SLC14A2: variants seen among roughly 807,000 people sequenced by gnomAD.
SLC14A2 encodes urea transporter 2.
SLC14A2 carries 91 observed loss-of-function variants against 104.6 expected under a neutral mutation model. The ratio of observed to expected loss-of-function variants is 0.87; its 90% CI spans 0.73 to 1.04. The LOEUF (loss-of-function observed/expected upper bound fraction) is 1.04. Among genes scored for constraint, SLC14A2 ranks in the 50% least tolerant of loss-of-function variants. The probability of loss-of-function intolerance (pLI) is 0.00; values close to 1 mark genes in which losing one functional copy is unlikely to be tolerated. For missense variants in SLC14A2, 1,189 were observed against 1,156.0 expected, an observed-to-expected ratio of 1.03 and a Z score of -0.41; for synonymous variants, 476 against 466.4, an observed-to-expected ratio of 1.02 and a Z score of -0.27.
At chr18:45,500,441 G>A (rs2043175887) in intron 2 of SLC14A2, among the ~76,000 whole-genome samples, 1 of 152,054 alleles carries the variant, frequency 6.6e-6, no homozygotes, top group African/African-American at 2.4e-5. Context: ...GCGGGGCGTG[G>A]TAGCGGGCGC....
At chr18:45,513,118 G>A (rs2043390662) in intron 2 of SLC14A2, among the ~76,000 whole-genome samples, 1 of 152,134 alleles carries the variant, frequency 6.6e-6, no homozygotes, top group Admixed American at 6.5e-5. Context: ...ATATCATGGG[G>A]TTACCTTGAA....
At chr18:45,522,260 A>C (rs539152744) in intron 2 of SLC14A2, among the ~76,000 whole-genome samples, 11 of 152,188 alleles carry the variant, frequency 7.2e-5, no homozygotes, top group African/African-American at 2.7e-4. Context: ...AAAAGGAGGC[A>C]TTTTTTTATG....
upstream of SLC14A2, among the ~76,000 whole-genome samples, chr18:45,210,326 C>G (rs2083951325): frequency 6.6e-6 from 1 of 152,194 alleles, no homozygotes; most frequent in African/African-American, 2.4e-5. Context: ...GGCATGCTGG[C>G]TCATTCCTAT....
At chr18:45,628,695 C>T (rs1164073695) in intron 4 of SLC14A2, among the ~76,000 whole-genome samples, 3 of 151,736 alleles carry the variant, frequency 2.0e-5, no homozygotes, top group Non-Finnish European at 4.4e-5. Flanking sequence ...AAGTTAATAG[C>T]GTAAAATAAA....
chr18:45,630,132 G>T (rs893072874), intron 4 of SLC14A2, among the ~76,000 whole-genome samples: 1 of 152,146 alleles, frequency 6.6e-6, no homozygotes, highest in Admixed American at 6.6e-5. Flanking sequence ...TATATTCTAA[G>T]CATGTTCAGG....
chr18:45,540,354 G>A (rs75287092), intron 2 of SLC14A2, among the ~76,000 whole-genome samples: 2,058 of 152,180 alleles, frequency 0.014, 40 homozygotes, highest in African/African-American at 0.048. Flanking sequence ...CCCAGTGCGC[G>A]GGGCTGCTGC....
At chr18:45,471,952 C>G (rs938699995) in intron 1 of SLC14A2, among the ~76,000 whole-genome samples, 1 of 151,844 alleles carries the variant, frequency 6.6e-6, no homozygotes, top group Non-Finnish European at 1.5e-5. Flanking sequence ...TAGGTATACA[C>G]GTGCCATGGT....
intron 10 of SLC14A2, among the ~76,000 whole-genome samples, chr18:45,652,543 T>C (rs963235505): frequency 4.6e-5 from 7 of 152,214 alleles, no homozygotes; most frequent in Admixed American, 1.3e-4. Context: ...GCCCTTTCCC[T>C]TGGAGGATCT....
chr18:45,391,241 C>T (rs1195771454), intron 1 of SLC14A2, among the ~76,000 whole-genome samples: 2 of 152,178 alleles, frequency 1.3e-5, no homozygotes, highest in African/African-American at 2.4e-5. Flanking sequence ...CATGTCCCTA[C>T]AAAGTACATG....
chr18:45,275,489 C>G (rs2084692754), intron 1 of SLC14A2, among the ~76,000 whole-genome samples: 1 of 152,120 alleles, frequency 6.6e-6, no homozygotes. Flanking sequence ...TGAGATGGTG[C>G]AAAGACAGCA....
At chr18:45,522,802 T>C (rs1018596932) in intron 2 of SLC14A2, among the ~76,000 whole-genome samples, 3 of 152,200 alleles carry the variant, frequency 2.0e-5, no homozygotes, top group Non-Finnish European at 4.4e-5. Flanking sequence ...CCCCAATTCT[T>C]ATTAACATGT....
intron 1 of SLC14A2, among the ~76,000 whole-genome samples, chr18:45,246,737 A>G (rs1190167239): frequency 6.6e-6 from 1 of 151,984 alleles, no homozygotes; most frequent in Non-Finnish European, 1.5e-5. Context: ...CACACTGGGC[A>G]CGGTGGCTCA....
At chr18:45,441,724 T>C (rs796809847) in intron 1 of SLC14A2, among the ~76,000 whole-genome samples, 8 of 152,322 alleles carry the variant, frequency 5.3e-5, no homozygotes, top group African/African-American at 1.9e-4. Context: ...GCATTTTAGG[T>C]TTAATCTTGG....
chr18:45,504,220 A>G (rs2612581), intron 2 of SLC14A2, among the ~76,000 whole-genome samples: 122,084 of 152,182 alleles, frequency 0.8, 49,976 homozygotes, highest in East Asian at 0.91. Flanking sequence ...CCAGCAAACA[A>G]TACTTTGAGG....
chr18:45,196,299 G>A, the SLC14A2 span, among the ~76,000 whole-genome samples: 1 of 152,216 alleles, frequency 6.6e-6, no homozygotes, highest in African/African-American at 2.4e-5. Flanking sequence ...CGAGTTTGCT[G>A]AGACTTTTTT....
chr18:45,519,989 T>C (rs1441619016), intron 2 of SLC14A2, among the ~76,000 whole-genome samples: 1 of 152,230 alleles, frequency 6.6e-6, no homozygotes, highest in East Asian at 1.9e-4. Context: ...AGCTAGCAGC[T>C]ACTGCCACTT....
intron 1 of SLC14A2, among the ~76,000 whole-genome samples, chr18:45,306,945 G>A (rs2085028269): frequency 6.6e-6 from 1 of 152,100 alleles, no homozygotes; most frequent in African/African-American, 2.4e-5. Context: ...AAGACAAACT[G>A]GAACTAGGGC....
the SLC14A2 span, among the ~76,000 whole-genome samples, chr18:45,205,115 G>T: frequency 6.6e-6 from 1 of 152,190 alleles, no homozygotes; most frequent in South Asian, 2.1e-4. Flanking sequence ...GGACCTCTCT[G>T]TGTTGAGACT....
chr18:45,346,191 TG>T (rs1331558160), intron 1 of SLC14A2, among the ~76,000 whole-genome samples: 1 of 152,262 alleles, frequency 6.6e-6, no homozygotes, highest in African/African-American at 2.4e-5. Flanking sequence ...GGAGTTGCTC[TG>T]GTGCCTAGGC....
Sources: allele counts gnomAD v4.1 joint callset (sites outside exome capture counted in the v4.1 genomes callset), GRCh38; gene constraint gnomAD v4.1.1; transcripts MANE v1.5; gene names NCBI Gene and HGNC (gene_info 2026-07-23, HGNC 2026-07-21).